Variants in BMPR1B observed in about 807,000 individuals in gnomAD.
BMPR1B encodes the protein bone morphogenetic protein receptor type 1B.
Under a neutral mutation model 59.1 loss-of-function variants are expected in BMPR1B, and 12 were observed. The ratio of observed to expected loss-of-function variants is 0.20; its 90% CI spans 0.13 to 0.33. The LOEUF is 0.33. Among genes scored for constraint, BMPR1B ranks in the 10% least tolerant of loss-of-function variants. The probability of loss-of-function intolerance (pLI) is 1.00; values close to 1 mark genes in which losing one functional copy is unlikely to be tolerated. For missense variants in BMPR1B, 550 were observed against 610.9 expected, an observed-to-expected ratio of 0.90 and a Z score of 1.05; for synonymous variants, 237 against 207.3, an observed-to-expected ratio of 1.14 and a Z score of -1.23.
At chr4:94,922,034 C>T (rs1291387735) in intron 2 of BMPR1B, among the ~76,000 whole-genome samples, 1 of 152,066 alleles carries the variant, frequency 6.6e-6, no homozygotes, top group Non-Finnish European at 1.5e-5. Flanking sequence ...GGCTGGAGTG[C>T]AGCAACACAA....
At chr4:94,762,322 C>G (rs1721810275) in intron 1 of BMPR1B, among the ~76,000 whole-genome samples, 1 of 152,074 alleles carries the variant, frequency 6.6e-6, no homozygotes, top group East Asian at 1.9e-4. Flanking sequence ...AAGATTATTT[C>G]CAATAGTGAA....
At chr4:94,979,948 T>C (rs1156775084) in intron 2 of BMPR1B, among the ~76,000 whole-genome samples, 1 of 152,224 alleles carries the variant, frequency 6.6e-6, no homozygotes, top group Non-Finnish European at 1.5e-5. Flanking sequence ...ACTATCCAGC[T>C]AGTTTTTGTG....
intron 3 of BMPR1B, among the ~76,000 whole-genome samples, chr4:95,007,536 T>TC (rs1420514447): frequency 6.6e-6 from 1 of 152,192 alleles, no homozygotes; most frequent in Non-Finnish European, 1.5e-5. Flanking sequence ...GTTGACTTTT[T>TC]CATGACTGTT....
intron 3 of BMPR1B, among the ~76,000 whole-genome samples, chr4:95,019,265 G>C (rs950154221): frequency 6.6e-6 from 1 of 152,120 alleles, no homozygotes. Context: ...TGGAGTGAGG[G>C]TAACAAATTT....
At chr4:94,982,055 C>T (rs1296193024) in intron 2 of BMPR1B, among the ~76,000 whole-genome samples, 2 of 152,130 alleles carry the variant, frequency 1.3e-5, no homozygotes, top group Non-Finnish European at 2.9e-5. Context: ...AGTATCTTTT[C>T]CTCCTAACAG....
chr4:94,970,802 C>T (rs565138283), intron 2 of BMPR1B, among the ~76,000 whole-genome samples: 1 of 152,146 alleles, frequency 6.6e-6, no homozygotes. Flanking sequence ...TCCAAATCTT[C>T]TCTTCCAGCT....
chr4:95,021,890 G>A (rs1486556881), intron 3 of BMPR1B, among the ~76,000 whole-genome samples: 1 of 152,198 alleles, frequency 6.6e-6, no homozygotes, highest in Admixed American at 6.5e-5. Context: ...TATCTAAAGA[G>A]CTTAGCTCAA....
At chr4:94,950,560 T>G (rs1032732552) in intron 2 of BMPR1B, among the ~76,000 whole-genome samples, 1 of 152,158 alleles carries the variant, frequency 6.6e-6, no homozygotes, top group African/African-American at 2.4e-5. Flanking sequence ...CTTTCCCCAT[T>G]GCTTGTTTTT....
chr4:94,958,103 T>C lies in BMPR1B; in HGVS notation c.-112-37937T>C, dbSNP rs1730224420. Among the ~76,000 whole-genome samples, 3 of 152,202 alleles carry C rather than the reference T, an allele frequency of 2.0e-5. No homozygotes were observed. In the South Asian group the frequency reaches 6.2e-4, roughly 32 times the overall value. ...CAATAATAGTGTTCTATTTGGATCATTCACATATGATTAATACAACATGGT... is the reference window on the plus strand; with the variant it reads ...CAATAATAGTGTTCTATTTGGATCACTCACATATGATTAATACAACATGGT... On this transcript the variant is annotated intron_variant, in intron 2 of 12. Coordinates refer to ENST00000515059, the MANE Select transcript of BMPR1B (RefSeq NM_001203.3).
At chr4:94,825,511 A>G (rs1468672588) in intron 1 of BMPR1B, among the ~76,000 whole-genome samples, 1 of 152,160 alleles carries the variant, frequency 6.6e-6, no homozygotes, top group Non-Finnish European at 1.5e-5. Context: ...TCTCAAAAGT[A>G]AAAACAAAAC....
chr4:95,076,780 A>C (rs1329135010), intron 3 of BMPR1B, among the ~76,000 whole-genome samples: 2 of 152,094 alleles, frequency 1.3e-5, no homozygotes, highest in Admixed American at 6.6e-5. Flanking sequence ...TTCTGTGGAA[A>C]CGTTAAAAAA....
intron 3 of BMPR1B, among the ~76,000 whole-genome samples, chr4:95,011,588 C>T (rs1304430712): frequency 6.6e-6 from 1 of 152,136 alleles, no homozygotes; most frequent in African/African-American, 2.4e-5. Flanking sequence ...AGGCAAGTAC[C>T]TTCCTTAAGC....
rs902439709 is a variant in BMPR1B, at chr4:94,875,318, T to C, written c.-182-513T>C. ...CTATAGTGAAAACCTGTAATACTGT[T>C]TTAACAGTTTGAACTGGTTCACAAT... is the stretch of plus-strand genomic sequence containing the variant. On this transcript the variant is annotated intron_variant, in intron 1 of 12. Coordinates refer to ENST00000515059, the MANE Select transcript of BMPR1B (RefSeq NM_001203.3). Among the ~76,000 whole-genome samples the C allele has an allele frequency of 3.9e-5, 6 of 152,194 alleles. No individual in the cohort carries two copies. In the South Asian group the frequency reaches 1.2e-3, roughly 32 times the overall value.
At chr4:94,923,151 T>G (rs987152650) in intron 2 of BMPR1B, among the ~76,000 whole-genome samples, 2 of 152,202 alleles carry the variant, frequency 1.3e-5, no homozygotes, top group East Asian at 3.9e-4. Flanking sequence ...TCAGACATTT[T>G]GCTTTGTAAC....
chr4:94,958,294 A>G (rs1003229142), intron 2 of BMPR1B, among the ~76,000 whole-genome samples: 2 of 152,180 alleles, frequency 1.3e-5, no homozygotes, highest in African/African-American at 2.4e-5. Flanking sequence ...GACATTGTAT[A>G]TACTGTCTGG....
chr4:95,077,620 A>G (rs1293414012), intron 3 of BMPR1B, among the ~76,000 whole-genome samples: 2 of 152,138 alleles, frequency 1.3e-5, no homozygotes, highest in Non-Finnish European at 2.9e-5. Context: ...GATATTTCCT[A>G]TGTATGCTCT....
chr4:94,945,541 T>G (rs1729677162), intron 2 of BMPR1B, among the ~76,000 whole-genome samples: 2 of 152,176 alleles, frequency 1.3e-5, no homozygotes, highest in South Asian at 2.1e-4. Flanking sequence ...CAAGGGATCT[T>G]CCTTACTGTC....
intron 3 of BMPR1B, among the ~76,000 whole-genome samples, chr4:95,012,780 G>A (rs563214800): frequency 1.3e-5 from 2 of 151,998 alleles, no homozygotes; most frequent in South Asian, 2.1e-4. Context: ...TCTTAAATAG[G>A]CTTTTATAAC....
At chr4:94,920,687 C>G (rs560535387) in intron 2 of BMPR1B, among the ~76,000 whole-genome samples, 2 of 152,166 alleles carry the variant, frequency 1.3e-5, no homozygotes, top group Non-Finnish European at 2.9e-5. Context: ...TAAGCAGAAC[C>G]ACAAAACATG....
Sources: gnomAD v4.1 joint callset for allele counts (sites outside exome capture counted in the v4.1 genomes callset) on GRCh38, gnomAD v4.1.1 for gene constraint, MANE v1.5 for transcripts, NCBI Gene and HGNC (gene_info 2026-07-23, HGNC 2026-07-21) for gene names.